The following PCDHGA8 variants were observed in gnomAD, a reference collection of about 807,000 sequenced individuals.
PCDHGA8 encodes the protein protocadherin gamma subfamily A, 8, also known as protocadherin gamma-A8.
Under a neutral mutation model 59.2 loss-of-function variants are expected in PCDHGA8, and 45 were observed. That is an observed-to-expected ratio of 0.76 (90% confidence interval 0.60 to 0.98). The LOEUF is 0.98. Among genes scored for constraint, PCDHGA8 ranks in the 50% least tolerant of loss-of-function variants. PCDHGA8 has a pLI of 0.00. For synonymous variants in PCDHGA8, 531 were observed against 519.0 expected (o/e 1.02, Z -0.32); for missense variants, 1,257 against 1,196.2 (o/e 1.05, Z -0.75).
At chr5:141,410,078 G>A (rs1258292051) in intron 1 of PCDHGA8, 1 of 1,612,820 alleles carries the variant, frequency 6.2e-7, no homozygotes, top group Non-Finnish European at 8.5e-7. Flanking sequence ...CACTGGGGAG[G>A]TGCGCACGGC....
rs533830391 is a variant in PCDHGA8, at chr5:141,492,559, C to T, written c.2425-2248C>T. 4.6e-5 allele frequency among the ~76,000 whole-genome samples: 7 copies of T among 152,292 alleles called. No homozygotes were observed. The East Asian group carries it at 1.4e-3, about 29-fold the overall frequency. The stretch of plus-strand genomic sequence containing the variant: ...GGGCTGGGCCGGGTCGCCTGGGGGG[C>T]GGCCTGAGCGAGGCGCGGGGCCAGG... On this transcript the variant is annotated intron_variant, in intron 1 of 3. Coordinates refer to ENST00000398604, the MANE Select transcript of PCDHGA8 (RefSeq NM_032088.2).
At chr5:141,435,730 T>C (rs913229799) in intron 1 of PCDHGA8, among the ~76,000 whole-genome samples, 1 of 152,226 alleles carries the variant, frequency 6.6e-6, no homozygotes, top group African/African-American at 2.4e-5. Context: ...TAAAGTGTAT[T>C]ACTCTTTGAA....
chr5:141,483,530 GC>G (rs1384645281), intron 1 of PCDHGA8, among the ~76,000 whole-genome samples: 2 of 152,158 alleles, frequency 1.3e-5, no homozygotes, highest in African/African-American at 4.8e-5. Flanking sequence ...GACTAAGGAA[GC>G]TGGGTGGTTG....
intron 1 of PCDHGA8, among the ~76,000 whole-genome samples, chr5:141,463,318 C>A (rs2099056713): frequency 6.6e-6 from 1 of 151,878 alleles, no homozygotes; most frequent in East Asian, 1.9e-4. Flanking sequence ...ATATCTATTC[C>A]TCAACTCAGC....
rs1456176347 is a variant in PCDHGA8 at position 141,510,961 on chromosome 5, A to G, written c.2587A>G (p.Ser863Gly). 2 of 1,613,986 alleles carry G rather than the reference A, an allele frequency of 1.2e-6. No individual in the cohort carries two copies. Among genetic ancestry groups the G allele is most frequent in the Non-Finnish European group, 1.7e-6 (2 of 1,179,962 alleles). ...TGTCTCTGCAGAAGCTGCTGATGGG[A>G]GCTCCACCCTGGGAGGGGGTGCCGG... is the stretch of plus-strand genomic sequence containing the variant. Reference protein sequence around the residue: ...LASASEAADGSSTLGGGAGTM... With the variant: ...LASASEAADGGSTLGGGAGTM... Residue 863 changes from serine (S) to glycine (G), a missense_variant, in exon 4 of 4, where the codon AGC (serine) becomes GGC (glycine). Physicochemically the swap from Ser to Gly is moderately conservative, Grantham distance 56. Coordinates refer to ENST00000398604, the MANE Select transcript of PCDHGA8 (RefSeq NM_032088.2).
At chr5:141,492,587 C>G (rs2154587748) in intron 1 of PCDHGA8, among the ~76,000 whole-genome samples, 1 of 152,314 alleles carries the variant, frequency 6.6e-6, no homozygotes, top group African/African-American at 2.4e-5. Flanking sequence ...GGGCCAGGAG[C>G]GCTGGAGCGA....
At chr5:141,510,816 A>G (rs1478938067) in intron 3 of PCDHGA8, 131 bp from the exon 4 acceptor site, 2 of 1,547,282 alleles carry the variant, frequency 1.3e-6, no homozygotes, top group Non-Finnish European at 1.8e-6. Context: ...GGTGACCCCT[A>G]TATTCCCAGT....
chr5:141,430,967 G>A lies in PCDHGA8; in HGVS notation c.2424+35730G>A, dbSNP rs746992307. 5 of 1,613,256 alleles carry A rather than the reference G, an allele frequency of 3.1e-6. No individual in the cohort carries two copies. In the East Asian group the frequency reaches 6.7e-5, roughly 22 times the overall value. On this transcript the variant is annotated intron_variant, in intron 1 of 3. Coordinates refer to ENST00000398604, the MANE Select transcript of PCDHGA8 (RefSeq NM_032088.2). ...GCGCGGAGTCCGCATCATCCCCAGA[G>A]GTAGGACGCAGCTTTTCGCCCTGAA... is the stretch of plus-strand genomic sequence containing the variant.
intron 1 of PCDHGA8, chr5:141,399,118 A>G: frequency 6.2e-7 from 1 of 1,613,822 alleles, no homozygotes; most frequent in Non-Finnish European, 8.5e-7. Context: ...TACAGTTGAA[A>G]TTAATATTCA....
In PCDHGA8 at chr5:141,476,908, A is replaced by G. The variant is rs754076231; in HGVS notation, c.2425-17899A>G. 6.2e-7 allele frequency: 1 copy of G among 1,614,050 alleles called. No individual in the cohort carries two copies. The highest frequency in any genetic ancestry group is 8.5e-7 in the Non-Finnish European group (1 of 1,180,038). On this transcript the variant is annotated intron_variant, in intron 1 of 3. Coordinates refer to ENST00000398604, the MANE Select transcript of PCDHGA8 (RefSeq NM_032088.2). This position sits in a 1 kb window ranked among gnomAD's most constrained non-coding sequence, Gnocchi z 7.6. ...ATGCACCCTCCGGCACGCGCGTGGT[A>G]CAAGTCCTTGCAACGGATCTGGATG...
chr5:141,392,971 G>T lies in PCDHGA8; in HGVS notation c.158G>T (p.Gly53Val), dbSNP rs2092639952. ...GTGGGTAATATCTCCAAGGACCTGG[G>T]GCTGGACCCCCGGAAGCTGGCGAAG... Reference protein sequence around the residue: ...SFVGNISKDLGLDPRKLAKHG... With the variant: ...SFVGNISKDLVLDPRKLAKHG... The change falls in exon 1 of 4, where the codon GGG (glycine) becomes GTG (valine). Residue 53 changes from glycine to valine, a missense_variant. Transcript: ENST00000398604. 1 of 1,613,896 alleles carries T rather than the reference G, an allele frequency of 6.2e-7. No homozygotes were observed. Among genetic ancestry groups the T allele is most frequent in the Non-Finnish European group, 8.5e-7 (1 of 1,179,888 alleles).
chr5:141,475,542 G>A (rs1182059354), intron 1 of PCDHGA8, among the ~76,000 whole-genome samples: 1 of 152,174 alleles, frequency 6.6e-6, no homozygotes, highest in East Asian at 1.9e-4. Flanking sequence ...TTACAAGTAG[G>A]GTCCGGCTAA....
Position 141,487,071 on chromosome 5 carries a change from C to A in PCDHGA8, c.2425-7736C>A. On this transcript the variant is annotated intron_variant, in intron 1 of 3. Coordinates refer to ENST00000398604, the MANE Select transcript of PCDHGA8 (RefSeq NM_032088.2). The surrounding 1 kb of genome is among the most constrained non-coding windows in gnomAD (Gnocchi z 5.0). ...GCTGGGGAGGTGCGGACGGCTGTTC[C>A]TATCCCAGCTGACCTCCCACCACAG... is the stretch of plus-strand genomic sequence containing the variant. The A allele has an allele frequency of 6.2e-7, 1 of 1,614,148 alleles. No individual in the cohort carries two copies. Among genetic ancestry groups the A allele is most frequent in the Non-Finnish European group, 8.5e-7 (1 of 1,180,002 alleles).
At chr5:141,440,732 A>C (rs2154559008) in intron 1 of PCDHGA8, 1 of 152,346 alleles carries the variant, frequency 6.6e-6, no homozygotes, top group African/African-American at 2.4e-5. Context: ...GTGTTAGAGA[A>C]GCTGCTTGAC....
At chr5:141,407,967 T>C (rs1589649755) in intron 1 of PCDHGA8, 2 of 705,496 alleles carry the variant, frequency 2.8e-6, no homozygotes, top group South Asian at 2.3e-5. Flanking sequence ...GAGCAAGCGC[T>C]GACGCCGGGG....
intron 1 of PCDHGA8, among the ~76,000 whole-genome samples, chr5:141,465,984 T>C (rs11953841): frequency 0.18 from 27,399 of 151,848 alleles, 2,640 homozygotes; most frequent in Admixed American, 0.28. Context: ...TAGCCGGGCA[T>C]GGTGGCAGGC....
rs1464639963 is a variant in PCDHGA8, at chr5:141,393,363, A to T, written c.550A>T (p.Thr184Ser). ...PNHHFSLDVQ[T>S]GDNGAINPEL... ...TCACCACTTCTCCCTGGACGTGCAG[A>T]CTGGAGACAATGGAGCCATAAACCC... Residue 184 changes from threonine to serine, a missense_variant, in exon 1 of 4, where the codon ACT (threonine) becomes TCT (serine). Transcript: ENST00000398604. The T allele has an allele frequency of 6.2e-7, 1 of 1,613,930 alleles. No homozygotes were observed. The highest frequency in any genetic ancestry group is 1.1e-5 in the South Asian group (1 of 91,086).
In PCDHGA8 at chr5:141,423,305, A is replaced by G. The variant is rs746680027; in HGVS notation, c.2424+28068A>G. On this transcript the variant is annotated intron_variant, in intron 1 of 3. Coordinates refer to ENST00000398604, the MANE Select transcript of PCDHGA8 (RefSeq NM_032088.2). Reference sequence around the variant, plus strand: ...TCTGAAACCTCAGACCTCTCGCTGTACTTGGTGGTGGCGGTGGCCGCAGTC... The same window carrying G: ...TCTGAAACCTCAGACCTCTCGCTGTGCTTGGTGGTGGCGGTGGCCGCAGTC... 23 of 1,613,944 alleles carry G rather than the reference A, an allele frequency of 1.4e-5. No individual in the cohort carries two copies. Among genetic ancestry groups the G allele is most frequent in the Non-Finnish European group, 1.9e-5 (22 of 1,180,004 alleles).
intron 1 of PCDHGA8, chr5:141,402,791 C>A: frequency 1.0e-6 from 1 of 998,930 alleles, no homozygotes; most frequent in Non-Finnish European, 1.4e-6. Context: ...TCTGCGGCTA[C>A]ACAAAACCCG....
Sources: allele counts gnomAD v4.1 joint callset (sites outside exome capture counted in the v4.1 genomes callset), GRCh38; gene constraint gnomAD v4.1.1; non-coding constraint Gnocchi (gnomAD v3.1); transcripts MANE v1.5; gene names NCBI Gene and HGNC (gene_info 2026-07-23, HGNC 2026-07-21).